The following KIF24 variants were observed in gnomAD, a reference collection of about 807,000 sequenced individuals.
KIF24 encodes kinesin-like protein KIF24.
In KIF24, 81 loss-of-function variants were observed where a neutral mutation model predicts 118.9. The observed-to-expected ratio is 0.68, with a 90% CI of 0.57 to 0.82. The LOEUF is 0.82. Ranked by LOEUF, KIF24 falls within the 40% of genes least tolerant of loss-of-function variation. The pLI is 0.00. For missense variants in KIF24, 1,560 were observed against 1,661.6 expected (o/e 0.94, Z 1.06); for synonymous variants, 599 against 610.0 (o/e 0.98, Z 0.27).
chr9:34,306,248 A>T lies in KIF24; in HGVS notation c.813+4T>A. On this transcript the variant is annotated splice_donor_region_variant and intron_variant, in intron 3 of 12. Coordinates refer to ENST00000402558, the MANE Select transcript of KIF24 (RefSeq NM_194313.4). ...GTTCCAAACATAAAACGAAAACATC[A>T]TACCTGCAGAATATATTGAGTGAGG... The T allele has an allele frequency of 6.4e-7, 1 of 1,568,030 alleles. No individual in the cohort carries two copies. Among genetic ancestry groups the T allele is most frequent in the Non-Finnish European group, 8.6e-7 (1 of 1,156,758 alleles).
intron 8 of KIF24, among the ~76,000 whole-genome samples, chr9:34,266,679 G>GGA (rs1554660378): frequency 1.3e-5 from 1 of 77,316 alleles, no homozygotes; most frequent in Non-Finnish European, 2.5e-5. Flanking sequence ...CTCCATCTCA[G>GGA]AAAAAAAAAA....
chr9:34,258,516 A>G (rs1367776333), intron 10 of KIF24, among the ~76,000 whole-genome samples: 1 of 152,164 alleles, frequency 6.6e-6, no homozygotes, highest in Non-Finnish European at 1.5e-5. Context: ...GGATGTAAGC[A>G]TGCACCCAAC....
chr9:34,268,129 G>A (rs1357737483), intron 8 of KIF24, among the ~76,000 whole-genome samples: 1 of 152,078 alleles, frequency 6.6e-6, no homozygotes, highest in Non-Finnish European at 1.5e-5. Context: ...TGGCATTATG[G>A]CTACATTAAA....
At position 34,257,078 on chromosome 9, in the gene KIF24, C is replaced by A; in HGVS notation, c.2529G>T (p.Lys843Asn). 1 of 1,614,042 alleles carries A rather than the reference C, an allele frequency of 6.2e-7. No homozygotes were observed. Among genetic ancestry groups the A allele is most frequent in the Non-Finnish European group, 8.5e-7 (1 of 1,179,896 alleles). The part of the protein sequence containing the change: ...FSHISSQRAT[K>N]QRNTLENSED... ...CGCTATTCTCCAGGGTGTTCCTTTG[C>A]TTTGTGGCCCTCTGACTAGAGATGT... Residue 843 changes from lysine to asparagine, a missense_variant, in exon 11 of 13, where the codon AAG (lysine) becomes AAT (asparagine). Physicochemically the swap from Lys to Asn is moderately conservative, Grantham distance 94. This residue lies in a region of KIF24 where 591 missense variants were observed against 655.6 expected (regional missense o/e 0.90). Transcript: ENST00000402558.
At chr9:34,260,985 T>C (rs1835033303) in intron 9 of KIF24, among the ~76,000 whole-genome samples, 1 of 151,560 alleles carries the variant, frequency 6.6e-6, no homozygotes, top group African/African-American at 2.4e-5. Flanking sequence ...AATAAATAAA[T>C]AAATAAGTAA....
intron 6 of KIF24, among the ~76,000 whole-genome samples, chr9:34,284,085 T>C (rs1359320264): frequency 6.6e-6 from 1 of 151,968 alleles, no homozygotes; most frequent in African/African-American, 2.4e-5. Flanking sequence ...CTGGGCAACA[T>C]GGTAGGACCC....
At chr9:34,302,089 G>T (rs1316598776) in intron 3 of KIF24, among the ~76,000 whole-genome samples, 1 of 149,772 alleles carries the variant, frequency 6.7e-6, no homozygotes, top group Non-Finnish European at 1.5e-5. Flanking sequence ...CTGCCTCCTG[G>T]GTTCACGCCA....
chr9:34,300,141 C>T (rs1273651982), intron 3 of KIF24, among the ~76,000 whole-genome samples: 1 of 151,882 alleles, frequency 6.6e-6, no homozygotes, highest in Non-Finnish European at 1.5e-5. Flanking sequence ...AGTGAGAACA[C>T]AAATCCAAAT....
chr9:34,289,354 G>A (rs967662240), intron 5 of KIF24, among the ~76,000 whole-genome samples: 2 of 152,122 alleles, frequency 1.3e-5, no homozygotes, highest in Non-Finnish European at 2.9e-5. Context: ...GCATCCTTTT[G>A]GACAGCTCCA....
intron 2 of KIF24, among the ~76,000 whole-genome samples, chr9:34,306,672 T>C (rs1338297519): frequency 6.6e-6 from 1 of 151,954 alleles, no homozygotes; most frequent in Non-Finnish European, 1.5e-5. Context: ...CATAGTGGCG[T>C]GCGCCTGTAA....
chr9:34,308,297 T>A (rs1289436183), intron 2 of KIF24, among the ~76,000 whole-genome samples: 1 of 150,798 alleles, frequency 6.6e-6, no homozygotes, highest in East Asian at 2.0e-4. Flanking sequence ...CTTTTTTTTT[T>A]TTTTGAGACA....
intron 12 of KIF24, 120 bp from the exon 13 acceptor site, chr9:34,254,640 A>G: frequency 1.0e-6 from 1 of 1,002,056 alleles, no homozygotes; most frequent in Non-Finnish European, 1.5e-6. Flanking sequence ...TTCCAGCGGG[A>G]GAACATGTAG....
chr9:34,317,254 G>A (rs1837359068), intron 1 of KIF24, among the ~76,000 whole-genome samples: 1 of 151,624 alleles, frequency 6.6e-6, no homozygotes. Context: ...GCCAGGCATG[G>A]TGGCACGCGC....
In KIF24 at chr9:34,257,799, G is replaced by A; in HGVS notation, c.1808C>T (p.Ser603Phe). The change falls in exon 11 of 13, where the codon TCC (serine) becomes TTC (phenylalanine). Residue 603 changes from serine to phenylalanine, a missense_variant. Around this residue, in one of 3 missense-constraint regions of KIF24, gnomAD observed 964 missense variants for 988.0 expected, o/e 0.98. Transcript: ENST00000402558. ...QQSLTVAAPG[S>F]TRGKVHPLTS... ...CAGAGGATGGACCTTCCCTCTCGTG[G>A]AACCAGGGGCTGCCACTGTGAGTGA... is the stretch of plus-strand genomic sequence containing the variant. 6.2e-7 allele frequency: 1 copy of A among 1,614,044 alleles called. No individual in the cohort carries two copies. Among genetic ancestry groups the A allele is most frequent in the Non-Finnish European group, 8.5e-7 (1 of 1,179,906 alleles).
intron 11 of KIF24, among the ~76,000 whole-genome samples, 199 bp from the exon 12 acceptor site, chr9:34,255,364 C>T (rs1834785611): frequency 6.6e-6 from 1 of 152,100 alleles, no homozygotes; most frequent in South Asian, 2.1e-4. Context: ...GGAGTACCAA[C>T]GAGATACAGG....
intron 2 of KIF24, among the ~76,000 whole-genome samples, chr9:34,307,374 A>AT (rs952845227): frequency 2.1e-5 from 3 of 144,492 alleles, no homozygotes; most frequent in East Asian, 5.5e-4. Context: ...CTGGAGAATA[A>AT]TTTTTTTACT....
intron 1 of KIF24, among the ~76,000 whole-genome samples, chr9:34,327,843 A>AAAAT (rs1563969112): frequency 9.6e-6 from 1 of 104,536 alleles, no homozygotes; most frequent in South Asian, 3.1e-4. Context: ...TCTAATAAAA[A>AAAAT]AAAAATAATA....
chr9:34,262,672 A>ATGTG (rs1835120999), intron 9 of KIF24, among the ~76,000 whole-genome samples: 1 of 37,960 alleles, frequency 2.6e-5, no homozygotes, highest in Non-Finnish European at 4.7e-5. Context: ...AAAAAAAAAA[A>ATGTG]AAAATATATA....
At chr9:34,311,745 T>C (rs943437146) in intron 1 of KIF24, among the ~76,000 whole-genome samples, 49 of 147,888 alleles carry the variant, frequency 3.3e-4, no homozygotes, top group Middle Eastern at 3.6e-3. Context: ...TATACATATA[T>C]ACGTATATAT....
Sources: gnomAD v4.1 joint callset for allele counts (sites outside exome capture counted in the v4.1 genomes callset) on GRCh38, gnomAD v4.1.1 for gene constraint, gnomAD v4.1.1 regional missense constraint, MANE v1.5 for transcripts, NCBI Gene and HGNC (gene_info 2026-07-23, HGNC 2026-07-21) for gene names.